Variants in FAM193A observed in about 807,000 individuals in gnomAD.
FAM193A encodes the protein family with sequence similarity 193 member A.
A neutral mutation model predicts 126.5 loss-of-function variants in FAM193A; 22 were observed. The observed-to-expected ratio is 0.17, with a 90% CI of 0.12 to 0.25. The LOEUF is 0.25. Ranked by LOEUF, FAM193A falls within the 10% of genes least tolerant of loss-of-function variation. FAM193A has a pLI of 1.00. For missense variants in FAM193A, 1,675 were observed against 1,672.8 expected, an observed-to-expected ratio of 1.00 and a Z score of -0.02; for synonymous variants, 761 against 646.8, an observed-to-expected ratio of 1.18 and a Z score of -2.68.
intron 16 of FAM193A, among the ~76,000 whole-genome samples, chr4:2,694,404 G>T (rs1317928335): frequency 6.6e-6 from 1 of 151,954 alleles, no homozygotes; most frequent in Non-Finnish European, 1.5e-5. Context: ...CAAGTAGTGA[G>T]ACTACAGGCA....
At chr4:2,726,100 C>T (rs759791503) in intron 20 of FAM193A, among the ~76,000 whole-genome samples, 1 of 152,028 alleles carries the variant, frequency 6.6e-6, no homozygotes, top group African/African-American at 2.4e-5. Context: ...GGGGTTTCAC[C>T]GTGTTAGCCA....
At chr4:2,675,255 C>G (rs912848610) in intron 13 of FAM193A, among the ~76,000 whole-genome samples, 2 of 152,148 alleles carry the variant, frequency 1.3e-5, no homozygotes, top group Admixed American at 1.3e-4. Flanking sequence ...CTCATTATGT[C>G]CAATTGATTG....
chr4:2,625,929 G>A (rs1331935452), intron 3 of FAM193A, among the ~76,000 whole-genome samples: 2 of 152,024 alleles, frequency 1.3e-5, no homozygotes, highest in East Asian at 3.9e-4. Flanking sequence ...TCGCCATGTT[G>A]CCCAGGCTGG....
At position 2,659,997 on chromosome 4, in the gene FAM193A, T is replaced by C; in HGVS notation, c.1688T>C (p.Ile563Thr). Residue 563 changes from isoleucine (I) to threonine (T), a missense_variant, in exon 10 of 21, where the codon ATC becomes ACC. Coordinates refer to ENST00000637812, the MANE Select transcript of FAM193A (RefSeq NM_001366318.2). ...ASSGSGSSSP[I>T]TIQQHPRLIL... ...TCGGGGTCCGGCTCCAGCTCTCCCA[T>C]CACAATTCAGCAGCACCCCAGGCTC... 6.2e-7 allele frequency: 1 copy of C among 1,614,080 alleles called. No homozygotes were observed. Among genetic ancestry groups the C allele is most frequent in the Non-Finnish European group, 8.5e-7 (1 of 1,180,020 alleles).
intron 13 of FAM193A, among the ~76,000 whole-genome samples, chr4:2,676,959 A>G (rs866895141): frequency 2.6e-5 from 4 of 152,052 alleles, no homozygotes; most frequent in African/African-American, 9.7e-5. Context: ...AAAAATTTTC[A>G]TGCAGTCCAA....
chr4:2,633,155 T>C (rs1743763487), intron 5 of FAM193A, among the ~76,000 whole-genome samples: 1 of 152,190 alleles, frequency 6.6e-6, no homozygotes. Context: ...TCCAGCACTT[T>C]GGGAGGCCGA....
chr4:2,661,621 T>C (rs1712454681), intron 10 of FAM193A, among the ~76,000 whole-genome samples: 1 of 152,174 alleles, frequency 6.6e-6, no homozygotes, highest in East Asian at 1.9e-4. Context: ...CTCCAGACTC[T>C]AGCACGTTAC....
chr4:2,599,591 C>T (rs1178133516), intron 2 of FAM193A, among the ~76,000 whole-genome samples: 1 of 152,208 alleles, frequency 6.6e-6, no homozygotes, highest in East Asian at 1.9e-4. Flanking sequence ...GCAAATTTCT[C>T]TGGAGACCTC....
At chr4:2,731,556 C>T (rs914943902) in intron 20 of FAM193A, among the ~76,000 whole-genome samples, 3 of 152,000 alleles carry the variant, frequency 2.0e-5, no homozygotes, top group African/African-American at 2.4e-5. Context: ...GGACTCCTTC[C>T]GCCCACCCAT....
Position 2,659,855 on chromosome 4 carries a change from G to A in FAM193A, c.1546G>A (p.Gly516Ser). The A allele has an allele frequency of 6.2e-7, 1 of 1,614,084 alleles. No homozygotes were observed. The highest frequency in any genetic ancestry group is 8.5e-7 in the Non-Finnish European group (1 of 1,180,016). ...CAGTCTCTCACACATCCTCACGTGT[G>A]GTATCATGGACCCCCCCGTCACTGA... Reference protein sequence around the residue: ...DCSLSHILTCGIMDPPVTDDI... With the variant: ...DCSLSHILTCSIMDPPVTDDI... Residue 516 changes from glycine to serine, a missense_variant, in exon 10 of 21, where the codon GGT (glycine) becomes AGT (serine). Around this residue, in one of 4 missense-constraint regions of FAM193A, gnomAD observed 1,186 missense variants for 1,109.2 expected, o/e 1.07. Transcript: ENST00000637812.
chr4:2,548,217 G>A (rs970761094), intron 1 of FAM193A, among the ~76,000 whole-genome samples: 7 of 150,148 alleles, frequency 4.7e-5, no homozygotes, highest in South Asian at 2.1e-4. Flanking sequence ...GATTACAGGC[G>A]CCTTCCACCA....
chr4:2,598,363 A>G (rs908661274), intron 2 of FAM193A, among the ~76,000 whole-genome samples: 23 of 152,218 alleles, frequency 1.5e-4, no homozygotes, highest in African/African-American at 5.3e-4. Flanking sequence ...CAATTAATTG[A>G]TGGATGTTTG....
chr4:2,594,544 T>G (rs1740742352), intron 1 of FAM193A, among the ~76,000 whole-genome samples: 1 of 152,182 alleles, frequency 6.6e-6, no homozygotes, highest in African/African-American at 2.4e-5. Context: ...TCCACCCCAC[T>G]GTGTGCCCTT....
intron 2 of FAM193A, among the ~76,000 whole-genome samples, chr4:2,600,703 C>A (rs990487557): frequency 7.2e-5 from 11 of 152,206 alleles, no homozygotes; most frequent in Admixed American, 7.2e-4. Flanking sequence ...CCAAGGCCCA[C>A]CCCCACTGGG....
chr4:2,678,345 G>A (rs1048118110), intron 13 of FAM193A, among the ~76,000 whole-genome samples: 2 of 134,922 alleles, frequency 1.5e-5, no homozygotes, highest in Non-Finnish European at 3.2e-5. Context: ...TTGGTGTTTT[G>A]TTTTGGTTTT....
chr4:2,541,183 T>A (rs942721826), intron 1 of FAM193A, among the ~76,000 whole-genome samples: 2 of 151,770 alleles, frequency 1.3e-5, no homozygotes, highest in Non-Finnish European at 1.5e-5. Flanking sequence ...GGCAGGAGAA[T>A]CGCTTGAACC....
chr4:2,724,102 A>G (rs950016015), intron 20 of FAM193A, among the ~76,000 whole-genome samples: 1 of 152,258 alleles, frequency 6.6e-6, no homozygotes, highest in Admixed American at 6.5e-5. Context: ...ATACTACATG[A>G]AATCTTATTG....
chr4:2,709,194 A>G (rs1402835584), intron 19 of FAM193A, among the ~76,000 whole-genome samples: 5 of 152,156 alleles, frequency 3.3e-5, no homozygotes, highest in African/African-American at 1.2e-4. Flanking sequence ...TATTAATACG[A>G]TGTTTTACAT....
In FAM193A at chr4:2,611,734, T is replaced by G. The variant is rs541897342; in HGVS notation, c.502-13528T>G. 6.6e-5 allele frequency among the ~76,000 whole-genome samples: 10 copies of G among 152,374 alleles called. No individual in the cohort carries two copies. The East Asian group carries it at 1.9e-3, about 29-fold the overall frequency. On this transcript the variant is annotated intron_variant, in intron 2 of 20. Transcript: ENST00000637812. ...TTATATAATCTCAATACAAGCCCTTTATTAGACAGGCTTCACAAACATTTT... is the reference window on the plus strand; with the variant it reads ...TTATATAATCTCAATACAAGCCCTTGATTAGACAGGCTTCACAAACATTTT...
Sources: gnomAD v4.1 joint callset for allele counts (sites outside exome capture counted in the v4.1 genomes callset) on GRCh38, gnomAD v4.1.1 for gene constraint, gnomAD v4.1.1 regional missense constraint, MANE v1.5 for transcripts, NCBI Gene and HGNC (gene_info 2026-07-23, HGNC 2026-07-21) for gene names.